The following VRTN variants were observed in gnomAD, a reference collection of about 807,000 sequenced individuals.
VRTN encodes the protein vertnin.
VRTN carries 5 observed loss-of-function variants against 18.2 expected under a neutral mutation model. That is an observed-to-expected ratio of 0.27 (90% confidence interval 0.14 to 0.58). VRTN has a LOEUF of 0.58. Among genes scored for constraint, VRTN ranks in the 20% least tolerant of loss-of-function variants. The pLI is 0.91. For synonymous variants in VRTN, 381 were observed against 393.7 expected, an observed-to-expected ratio of 0.97 and a Z score of 0.38; for missense variants, 741 against 939.4, an observed-to-expected ratio of 0.79 and a Z score of 2.76.
At position 74,358,683 on chromosome 14, in the gene VRTN, G is replaced by A. The variant is rs984920644; in HGVS notation, c.1900G>A (p.Gly634Ser). 1 of 1,613,726 alleles carries A rather than the reference G, an allele frequency of 6.2e-7. No homozygotes were observed. Among genetic ancestry groups the A allele is most frequent in the Admixed American group, 1.7e-5 (1 of 59,996 alleles). The part of the protein sequence containing the change: ...LLSQPVVAAA[G>S]GRDGRMLVMD... ...GAGCCAACCTGTGGTGGCAGCAGCG[G>A]GTGGCAGGGATGGCCGGATGCTGGT... The change falls in exon 2 of 2, where the codon GGT becomes AGT. Residue 634 changes from glycine to serine, a missense_variant. Gly to Ser is a moderately conservative substitution (Grantham distance 56). This residue lies in a region of VRTN where 61 missense variants were observed against 104.6 expected (regional missense o/e 0.58). Coordinates refer to ENST00000256362, the MANE Select transcript of VRTN (RefSeq NM_018228.3). This position sits in a 1 kb window ranked among gnomAD's most constrained non-coding sequence, Gnocchi z 5.4.
chr14:74,306,170 A>ATT (rs1449946188), intron 1 of VRTN: 7 of 64,766 alleles, frequency 1.1e-4, no homozygotes, highest in Admixed American at 5.7e-4. Context: ...ATATATATAT[A>ATT]TATTTTTTTT....
At chr14:74,319,127 G>C (rs1314262234) in intron 1 of VRTN, among the ~76,000 whole-genome samples, 2 of 152,152 alleles carry the variant, frequency 1.3e-5, no homozygotes, top group Non-Finnish European at 2.9e-5. Flanking sequence ...CCGCCTCCCA[G>C]GCTCAAGCGA....
chr14:74,348,407 T>A (rs1396817803), upstream of VRTN: 1 of 152,322 alleles, frequency 6.6e-6, no homozygotes, highest in Non-Finnish European at 1.5e-5. Context: ...TTCATCTTGG[T>A]ACAGAGCACT....
intron 1 of VRTN, among the ~76,000 whole-genome samples, chr14:74,315,961 T>C (rs1392759179): frequency 6.6e-6 from 1 of 152,180 alleles, no homozygotes; most frequent in East Asian, 1.9e-4. Flanking sequence ...CCCCAATCAG[T>C]CACTGGGTGT....
intron 1 of VRTN, among the ~76,000 whole-genome samples, chr14:74,307,064 A>G (rs974770738): frequency 6.6e-6 from 1 of 151,492 alleles, no homozygotes; most frequent in East Asian, 1.9e-4. Flanking sequence ...TGTCAACTTT[A>G]TAAGGAGAAT....
chr14:74,308,299 T>C (rs1030825251), intron 1 of VRTN, among the ~76,000 whole-genome samples: 2 of 152,108 alleles, frequency 1.3e-5, no homozygotes, highest in Admixed American at 6.6e-5. Flanking sequence ...CACATTGCAA[T>C]TGATCATATG....
chr14:74,339,268 G>A (rs1018856755), intron 2 of VRTN, among the ~76,000 whole-genome samples: 1 of 152,000 alleles, frequency 6.6e-6, no homozygotes, highest in Non-Finnish European at 1.5e-5. Flanking sequence ...GATATCACTC[G>A]CCCCATTTCA....
At chr14:74,331,718 T>G (rs1299767152) in intron 1 of VRTN, among the ~76,000 whole-genome samples, 1 of 143,330 alleles carries the variant, frequency 7.0e-6, no homozygotes, top group Non-Finnish European at 1.5e-5. Context: ...ATACTAGATG[T>G]GCACACTTTA....
At chr14:74,336,920 A>G (rs1444468104) in intron 1 of VRTN, among the ~76,000 whole-genome samples, 3 of 151,982 alleles carry the variant, frequency 2.0e-5, no homozygotes, top group South Asian at 2.1e-4. Flanking sequence ...CAACTCCCAC[A>G]CTTACTTCAC....
At chr14:74,352,603 T>C (rs2085693776) in intron 1 of VRTN, among the ~76,000 whole-genome samples, 1 of 152,164 alleles carries the variant, frequency 6.6e-6, no homozygotes, top group Non-Finnish European at 1.5e-5. Flanking sequence ...CAGGCTGAAG[T>C]CCGGTGGCGT....
chr14:74,311,819 A>G (rs2085390852), intron 1 of VRTN, among the ~76,000 whole-genome samples: 1 of 150,856 alleles, frequency 6.6e-6, no homozygotes, highest in Non-Finnish European at 1.5e-5. Context: ...CCCAGGCTGG[A>G]GCACAGTGGT....
Position 74,357,721 on chromosome 14 carries a change from G to C in VRTN, c.938G>C (p.Arg313Pro). 1 of 1,613,506 alleles carries C rather than the reference G, an allele frequency of 6.2e-7. No homozygotes were observed. The highest frequency in any genetic ancestry group is 2.2e-5 in the East Asian group (1 of 44,888). ...GAGCACCGGCAGAAGGTTGCTGCCCGCTTCTCCGCCAAGCACTTCCTGCAG... is the reference window on the plus strand; with the variant it reads ...GAGCACCGGCAGAAGGTTGCTGCCCCCTTCTCCGCCAAGCACTTCCTGCAG... ...SQEHRQKVAA[R>P]FSAKHFLQDS... The change falls in exon 2 of 2, where the codon CGC becomes CCC. Residue 313 changes from arginine (R) to proline (P), a missense_variant. Arg to Pro is a moderately radical substitution (Grantham distance 103). Coordinates refer to ENST00000256362, the MANE Select transcript of VRTN (RefSeq NM_018228.3). The surrounding 1 kb of genome is among the most constrained non-coding windows in gnomAD (Gnocchi z 7.8).
chr14:74,306,156 A>ATTTTTTTTTTTTTTTTTTTTTTTTT (rs1567036588), intron 1 of VRTN: 1 of 73,420 alleles, frequency 1.4e-5, no homozygotes, highest in African/African-American at 7.0e-5. Context: ...ATATATATAT[A>ATTTTTTTTTTTTTTTTTTTTTTTTT]TATATATATA....
At chr14:74,344,749 G>GAAAAAAAAAAAAAAAAAAAAAAA (rs1323636061), upstream of VRTN, among the ~76,000 whole-genome samples, 5 of 31,444 alleles carry the variant, frequency 1.6e-4, no homozygotes, top group African/African-American at 7.3e-4. Context: ...AAAAAAAAAT[G>GAAAAAAAAAAAAAAAAAAAAAAA]AAAAAAAGAA....
At chr14:74,326,093 G>T (rs1251968642) in intron 1 of VRTN, among the ~76,000 whole-genome samples, 2 of 152,084 alleles carry the variant, frequency 1.3e-5, no homozygotes, top group Non-Finnish European at 2.9e-5. Context: ...GGGCAAGCAG[G>T]GTTCGGACCC....
At chr14:74,321,018 A>C (rs988006939) in intron 1 of VRTN, among the ~76,000 whole-genome samples, 1 of 152,082 alleles carries the variant, frequency 6.6e-6, no homozygotes, top group Non-Finnish European at 1.5e-5. Flanking sequence ...GGAAATGCAT[A>C]TAAAGTTTAT....
chr14:74,325,958 A>G (rs1020093217), intron 1 of VRTN, among the ~76,000 whole-genome samples: 4 of 152,174 alleles, frequency 2.6e-5, no homozygotes, highest in African/African-American at 9.7e-5. Context: ...AGCTTTCTAG[A>G]CATCAACTCA....
intron 1 of VRTN, among the ~76,000 whole-genome samples, chr14:74,329,822 C>T (rs892314472): frequency 6.6e-6 from 1 of 151,742 alleles, no homozygotes; most frequent in Non-Finnish European, 1.5e-5. Flanking sequence ...AGTGATCTGC[C>T]CACCTTGGCC....
intron 1 of VRTN, among the ~76,000 whole-genome samples, chr14:74,314,357 A>G (rs916287179): frequency 6.6e-6 from 1 of 151,704 alleles, no homozygotes; most frequent in East Asian, 1.9e-4. Context: ...GGGAGCCTTC[A>G]GAAATGAGGA....
Sources: allele counts gnomAD v4.1 joint callset (sites outside exome capture counted in the v4.1 genomes callset), GRCh38; gene constraint gnomAD v4.1.1; regional missense constraint gnomAD v4.1.1; non-coding constraint Gnocchi (gnomAD v3.1); transcripts MANE v1.5; gene names NCBI Gene and HGNC (gene_info 2026-07-23, HGNC 2026-07-21).